GLG1: variants seen among roughly 807,000 people sequenced by gnomAD.
GLG1 encodes Golgi apparatus protein 1.
Under a neutral mutation model 160.5 loss-of-function variants are expected in GLG1, and 38 were observed. The ratio of observed to expected loss-of-function variants is 0.24; its 90% CI spans 0.18 to 0.31. The LOEUF is 0.31. Among genes scored for constraint, GLG1 ranks in the 10% least tolerant of loss-of-function variants. The pLI, the probability that GLG1 is intolerant of heterozygous loss-of-function variation, is 1.00. For missense variants in GLG1, 1,373 were observed against 1,505.2 expected (o/e 0.91, Z 1.45); for synonymous variants, 644 against 543.4 (o/e 1.19, Z -2.57).
chr16:74,476,902 T>G (rs931796023), intron 12 of GLG1, among the ~76,000 whole-genome samples: 5 of 152,218 alleles, frequency 3.3e-5, no homozygotes, highest in African/African-American at 1.2e-4. Context: ...ATGCCCACTA[T>G]TCATGCAGAC....
chr16:74,574,427 T>C (rs1278682762), intron 1 of GLG1, among the ~76,000 whole-genome samples: 1 of 152,202 alleles, frequency 6.6e-6, no homozygotes, highest in Non-Finnish European at 1.5e-5. Context: ...CTGACTATGT[T>C]AACTGTTCAT....
intron 1 of GLG1, among the ~76,000 whole-genome samples, chr16:74,591,442 C>T (rs889068134): frequency 6.6e-6 from 1 of 151,988 alleles, no homozygotes; most frequent in Non-Finnish European, 1.5e-5. Flanking sequence ...TCCTGGCTAA[C>T]ACGGTGAAAT....
intron 11 of GLG1, 24 bp from the exon 12 acceptor site, chr16:74,477,557 A>G: frequency 6.3e-7 from 1 of 1,599,678 alleles, no homozygotes. Context: ...AATGAGCTAA[A>G]TACTTGAAAG....
At chr16:74,469,172 G>T in intron 16 of GLG1, 109 bp from the exon 17 acceptor site, 1 of 737,548 alleles carries the variant, frequency 1.4e-6, no homozygotes, top group Non-Finnish European at 2.5e-6. Context: ...GCCCTTTGGG[G>T]GAATGTCTTT....
intron 4 of GLG1, among the ~76,000 whole-genome samples, chr16:74,498,818 T>G (rs1382857707): frequency 7.7e-6 from 1 of 129,770 alleles, no homozygotes; most frequent in East Asian, 2.3e-4. Context: ...TGAGCTGAGT[T>G]AGTGCCACTG....
chr16:74,587,562 C>T (rs903170001), intron 1 of GLG1, among the ~76,000 whole-genome samples: 7 of 152,190 alleles, frequency 4.6e-5, no homozygotes, highest in Non-Finnish European at 7.4e-5. Flanking sequence ...GGAATTAGCA[C>T]ATGAGGACCT....
Position 74,452,698 on chromosome 16 carries a change from C to T in GLG1, c.*469G>A. On this transcript the variant is annotated 3_prime_UTR_variant, in exon 26 of 26. Transcript: ENST00000422840. The stretch of plus-strand genomic sequence containing the variant: ...ATGGCACACTGGGTGGTGTGCTTCC[C>T]CTCCAAGTCCTGTCTTTGTTTTACA... 1.0e-6 allele frequency: 1 copy of T among 992,540 alleles called. No individual in the cohort carries two copies. Among genetic ancestry groups the T allele is most frequent in the African/African-American group, 1.7e-5 (1 of 57,508 alleles). The allele number at this position is 992,540 out of a possible 1,614,324, so 61.5% of individuals were successfully genotyped here.
At chr16:74,493,336 G>C (rs1001805181) in intron 6 of GLG1, among the ~76,000 whole-genome samples, 196 bp from the exon 7 acceptor site, 1 of 152,202 alleles carries the variant, frequency 6.6e-6, no homozygotes, top group Non-Finnish European at 1.5e-5. Context: ...GGGGTAAGTG[G>C]GTGGGGAACC....
rs181698714 is a variant in GLG1, at chr16:74,562,864, C to A, written c.439-30711G>T. On this transcript the variant is annotated intron_variant, in intron 1 of 25. Coordinates refer to ENST00000422840, the MANE Select transcript of GLG1 (RefSeq NM_001145667.2). ...AGGTTGGTTCTTCTGGAAATGACGT[C>A]AGGAAAACACTGCCCTTGTTACCCA... Among the ~76,000 whole-genome samples the A allele has an allele frequency of 6.6e-5, 10 of 152,286 alleles. No individual in the cohort carries two copies. In the East Asian group the frequency reaches 1.9e-3, roughly 29 times the overall value.
chr16:74,588,209 C>G (rs1253763461), intron 1 of GLG1, among the ~76,000 whole-genome samples: 2 of 151,848 alleles, frequency 1.3e-5, no homozygotes, highest in Non-Finnish European at 2.9e-5. Flanking sequence ...AAAAAACTGT[C>G]TGAAGAAATA....
intron 13 of GLG1, among the ~76,000 whole-genome samples, chr16:74,473,317 G>A (rs1307402060): frequency 1.3e-5 from 2 of 150,574 alleles, no homozygotes; most frequent in African/African-American, 4.9e-5. Context: ...GGGTTCAAGT[G>A]ATCCTCCTGC....
At chr16:74,577,956 T>C (rs1052390693) in intron 1 of GLG1, among the ~76,000 whole-genome samples, 4 of 151,858 alleles carry the variant, frequency 2.6e-5, no homozygotes, top group Admixed American at 2.0e-4. Flanking sequence ...GAGGATTACT[T>C]GAGGCCAGGA....
At chr16:74,494,398 G>C (rs1425233327) in intron 6 of GLG1, among the ~76,000 whole-genome samples, 1 of 131,412 alleles carries the variant, frequency 7.6e-6, no homozygotes, top group East Asian at 2.4e-4. Flanking sequence ...GAGAAATTGA[G>C]AAAGCTTTTT....
rs1021729490 is a variant in GLG1, at chr16:74,453,085, G to A, written c.*82C>T. 26 of 1,550,580 alleles carry A rather than the reference G, an allele frequency of 1.7e-5. No individual in the cohort carries two copies. The African/African-American group carries it at 3.4e-4, about 20-fold the overall frequency. On this transcript the variant is annotated 3_prime_UTR_variant, in exon 26 of 26. Transcript: ENST00000422840. ...GGGGTTGGTGTCACTTCTGAGAAGA[G>A]CGAGGTGAGTGGGGATGCTATACAA...
At chr16:74,589,067 C>A (rs1209840209) in intron 1 of GLG1, among the ~76,000 whole-genome samples, 1 of 151,388 alleles carries the variant, frequency 6.6e-6, no homozygotes, top group East Asian at 1.9e-4. Flanking sequence ...CATGGTGAAA[C>A]CCCGTCTCTA....
intron 23 of GLG1, among the ~76,000 whole-genome samples, chr16:74,459,047 G>A (rs1266215569): frequency 2.0e-5 from 3 of 152,122 alleles, no homozygotes; most frequent in Non-Finnish European, 4.4e-5. Flanking sequence ...CCTCCCCAAA[G>A]TTATATGGGA....
intron 7 of GLG1, among the ~76,000 whole-genome samples, chr16:74,491,449 T>A (rs956844377): frequency 6.6e-6 from 1 of 152,164 alleles, no homozygotes; most frequent in Non-Finnish European, 1.5e-5. Flanking sequence ...TTTATACTAC[T>A]GCACTAATAA....
intron 1 of GLG1, among the ~76,000 whole-genome samples, chr16:74,581,557 A>T (rs1021727206): frequency 6.9e-6 from 1 of 144,132 alleles, no homozygotes; most frequent in Non-Finnish European, 1.5e-5. Context: ...AAAAAAGGCC[A>T]GGAGGTGCTT....
At chr16:74,481,724 A>T (rs1487669714) in intron 10 of GLG1, among the ~76,000 whole-genome samples, 2 of 152,202 alleles carry the variant, frequency 1.3e-5, no homozygotes, top group East Asian at 3.8e-4. Context: ...ATAGGGTCTC[A>T]CCGTTAACAT....
Sources: allele counts gnomAD v4.1 joint callset (sites outside exome capture counted in the v4.1 genomes callset), GRCh38; gene constraint gnomAD v4.1.1; transcripts MANE v1.5; gene names NCBI Gene and HGNC (gene_info 2026-07-23, HGNC 2026-07-21).